Variants in ARHGAP6 observed in about 807,000 individuals in gnomAD.
The protein encoded by ARHGAP6 is rho GTPase-activating protein 6.
Under a neutral mutation model 55.7 loss-of-function variants are expected in ARHGAP6, and 16 were observed. That is an observed-to-expected ratio of 0.29 (90% CI 0.19 to 0.44). The LOEUF (loss-of-function observed/expected upper bound fraction) is 0.44, where lower values mean the gene tolerates loss of function less well. Among genes scored for constraint, ARHGAP6 ranks in the 20% least tolerant of loss-of-function variants. The probability of loss-of-function intolerance (pLI) is 1.00; values close to 1 mark genes in which losing one functional copy is unlikely to be tolerated. For synonymous variants in ARHGAP6, 382 were observed against 360.9 expected, an observed-to-expected ratio of 1.06 and a Z score of -0.66; for missense variants, 698 against 808.9, an observed-to-expected ratio of 0.86 and a Z score of 1.66.
intron 1 of ARHGAP6, among the ~76,000 whole-genome samples, chrX:11,344,672 C>G: frequency 2.0e-5 from 1 of 50,085 alleles, no homozygotes; most frequent in African/African-American, 9.2e-5. Flanking sequence ...GAGTGAAACT[C>G]CATCACAAAA....
chrX:11,592,346 T>C (rs900479167), intron 1 of ARHGAP6, among the ~76,000 whole-genome samples: 1 of 112,104 alleles, frequency 8.9e-6, no homozygotes, highest in African/African-American at 3.2e-5. Context: ...GTTGTGGTTC[T>C]TTGTGTGCCA....
At chrX:11,319,213 C>T (rs1353136123) in intron 1 of ARHGAP6, among the ~76,000 whole-genome samples, 1 of 111,680 alleles carries the variant, frequency 9.0e-6, no homozygotes, top group Non-Finnish European at 1.9e-5. Context: ...TATTTGTATT[C>T]ATATTTGTAT....
In ARHGAP6 at chrX:11,590,873, A is replaced by G. The variant is rs545035065; in HGVS notation, c.588+73368T>C. Among the ~76,000 whole-genome samples the G allele has an allele frequency of 3.7e-3, 194 of 52,604 alleles. 21 individuals carry two copies. Among genetic ancestry groups the G allele is most frequent in the Middle Eastern group, 0.018 (2 of 109 alleles). 45.7% of individuals were successfully genotyped at this position (52,604 alleles called of 115,157 possible). On this transcript the variant is annotated intron_variant, in intron 1 of 12. Coordinates refer to ENST00000337414, the MANE Select transcript of ARHGAP6 (RefSeq NM_013427.3). ...AAAGAAAAGAAAAGAAAAGAAGGAA[A>G]GAAAGAAAGAAAGAAAGAAAGAAAG...
intron 1 of ARHGAP6, among the ~76,000 whole-genome samples, chrX:11,449,261 C>A (rs1179888463): frequency 1.8e-5 from 2 of 111,946 alleles, no homozygotes; most frequent in African/African-American, 6.5e-5. Context: ...GGCCTGCCAT[C>A]CCCACCTTCG....
intron 1 of ARHGAP6, among the ~76,000 whole-genome samples, chrX:11,615,547 C>T (rs921114045): frequency 8.9e-6 from 1 of 112,062 alleles, no homozygotes; most frequent in Non-Finnish European, 1.9e-5. Flanking sequence ...TTGATCAACT[C>T]ATTGAAAAGA....
chrX:11,526,932 A>C (rs66872858), intron 1 of ARHGAP6, among the ~76,000 whole-genome samples: 18,627 of 109,641 alleles, frequency 0.17, 1,333 homozygotes, highest in Middle Eastern at 0.29. Flanking sequence ...CCATAATTTA[A>C]AAGTTTAGAA....
intron 1 of ARHGAP6, among the ~76,000 whole-genome samples, chrX:11,383,103 A>G (rs991196970): frequency 8.9e-6 from 1 of 112,263 alleles, no homozygotes; most frequent in Non-Finnish European, 1.9e-5. Flanking sequence ...TCAGATTGGC[A>G]TTTACCAGAA....
chrX:11,308,164 T>C (rs1242114059), intron 1 of ARHGAP6, among the ~76,000 whole-genome samples: 3 of 112,441 alleles, frequency 2.7e-5, no homozygotes, highest in Non-Finnish European at 3.8e-5. Flanking sequence ...TTCACTTTCT[T>C]GGTGTTAACA....
rs762683239 is a variant in ARHGAP6 at position 11,522,293 on chromosome X, A to G, written c.588+141948T>C. On this transcript the variant is annotated intron_variant, in intron 1 of 12. Transcript: ENST00000337414. ...CCACAAGAGAAAGCAGGAAAGATCT[A>G]AAATTGACACCCTAACGTCACAATT... Among the ~76,000 whole-genome samples the G allele has an allele frequency of 7.4e-3, 823 of 111,431 alleles. 10 individuals carry two copies. Among genetic ancestry groups the G allele is most frequent in the African/African-American group, 0.025 (779 of 30,663 alleles).
At chrX:11,408,568 G>A (rs1478370455) in intron 1 of ARHGAP6, among the ~76,000 whole-genome samples, 1 of 110,906 alleles carries the variant, frequency 9.0e-6, no homozygotes, top group Non-Finnish European at 1.9e-5. Context: ...GGGAGAGGAG[G>A]TGACCGATGC....
At chrX:11,310,794 G>T (rs1296681660) in intron 1 of ARHGAP6, among the ~76,000 whole-genome samples, 1 of 111,741 alleles carries the variant, frequency 8.9e-6, no homozygotes, top group Non-Finnish European at 1.9e-5. Flanking sequence ...TTTGCTTCTA[G>T]GCCACTGACA....
At chrX:11,351,087 C>CAT (rs59747377) in intron 1 of ARHGAP6, among the ~76,000 whole-genome samples, 3 of 108,432 alleles carry the variant, frequency 2.8e-5, no homozygotes, top group African/African-American at 1.0e-4. Flanking sequence ...CACACACACA[C>CAT]GCATGCATAC....
chrX:11,532,947 C>T (rs1222604542), intron 1 of ARHGAP6, among the ~76,000 whole-genome samples: 1 of 111,817 alleles, frequency 8.9e-6, no homozygotes, highest in African/African-American at 3.2e-5. Flanking sequence ...CACCAAATAT[C>T]CTCATTGGAC....
In ARHGAP6 at chrX:11,178,239, G is replaced by A. The variant is rs370985387; in HGVS notation, c.1490C>T (p.Pro497Leu). 29 of 1,202,946 alleles carry A rather than the reference G, an allele frequency of 2.4e-5. No individual in the cohort carries two copies. The highest frequency in any genetic ancestry group is 3.0e-5 in the East Asian group (1 of 33,624). Residue 497 changes from proline (P) to leucine (L), a missense_variant, in exon 8 of 13, where the codon CCG (proline) becomes CTG (leucine). Physicochemically the swap from Pro to Leu is moderately conservative, Grantham distance 98 (BLOSUM62 -3). Transcript: ENST00000337414. ...CTGCAAGGTGCCCAGCTGTTCCTCC[G>A]GCTCCAACACTAAGCAAGGCAAAAA... ...TAFINTLLLE[P>L]EEQLGTLQLL...
intron 1 of ARHGAP6, among the ~76,000 whole-genome samples, chrX:11,330,003 T>C (rs909405568): frequency 8.8e-6 from 1 of 113,264 alleles, no homozygotes. Flanking sequence ...GTAACATGAC[T>C]GCATATTCGC....
At chrX:11,335,835 T>A (rs763826116) in intron 1 of ARHGAP6, 41 of 240,945 alleles carry the variant, frequency 1.7e-4, no homozygotes, top group Non-Finnish European at 3.0e-4. Flanking sequence ...GCAGAGGCCA[T>A]GGTGGGGAGG....
At chrX:11,256,830 T>C (rs2047500163) in intron 1 of ARHGAP6, among the ~76,000 whole-genome samples, 1 of 111,159 alleles carries the variant, frequency 9.0e-6, no homozygotes, top group South Asian at 3.9e-4. Flanking sequence ...TTATATCCAG[T>C]GGATAATGAT....
intron 1 of ARHGAP6, among the ~76,000 whole-genome samples, chrX:11,581,647 A>G (rs2051667837): frequency 8.9e-6 from 1 of 111,732 alleles, no homozygotes; most frequent in South Asian, 3.8e-4. Context: ...ATTAAGCTAC[A>G]TGAAAGAAGC....
intron 1 of ARHGAP6, among the ~76,000 whole-genome samples, chrX:11,505,817 A>T (rs1314574509): frequency 9.0e-6 from 1 of 111,403 alleles, no homozygotes; most frequent in Non-Finnish European, 1.9e-5. Context: ...CAAATACCAC[A>T]TGTTCTCACT....
Sources: gnomAD v4.1 joint callset for allele counts (sites outside exome capture counted in the v4.1 genomes callset) on GRCh38, gnomAD v4.1.1 for gene constraint, MANE v1.5 for transcripts, NCBI Gene and HGNC (gene_info 2026-07-23, HGNC 2026-07-21) for gene names.